Variants in CDH7 observed in about 807,000 individuals in gnomAD.
The protein encoded by CDH7 is cadherin 7.
In CDH7, 25 loss-of-function variants were observed where a neutral mutation model predicts 71.8. That is an observed-to-expected ratio of 0.35 (90% confidence interval 0.25 to 0.49). CDH7 has a LOEUF of 0.49. CDH7 is among the 20% of genes least tolerant of loss of function. The probability of loss-of-function intolerance (pLI) is 0.99; values close to 1 mark genes in which losing one functional copy is unlikely to be tolerated. For missense variants in CDH7, 862 were observed against 974.6 expected (o/e 0.88, Z 1.54); for synonymous variants, 381 against 363.8 (o/e 1.05, Z -0.54).
At chr18:65,805,367 C>A (rs1376797723) in intron 2 of CDH7, among the ~76,000 whole-genome samples, 1 of 152,172 alleles carries the variant, frequency 6.6e-6, no homozygotes, top group Non-Finnish European at 1.5e-5. Context: ...GTCCAGCATG[C>A]TTGGACCATA....
intron 11 of CDH7, among the ~76,000 whole-genome samples, chr18:65,869,020 C>G (rs1163498417): frequency 6.6e-6 from 1 of 152,088 alleles, no homozygotes; most frequent in African/African-American, 2.4e-5. Flanking sequence ...AACATCAATC[C>G]TGAGCAATTT....
chr18:65,785,410 T>C (rs1485878145), intron 2 of CDH7, among the ~76,000 whole-genome samples: 1 of 152,052 alleles, frequency 6.6e-6, no homozygotes, highest in East Asian at 1.9e-4. Context: ...CTGGTTAAAG[T>C]TGTAGCATGG....
At position 65,814,510 on chromosome 18, in the gene CDH7, G is replaced by A. The variant is rs567500655; in HGVS notation, c.531G>A (p.Ala177=). ...PVGTSVVQVT[A]TDADDPTYGN... ...GGACCTCAGTGGTACAAGTGACAGC[G>A]ACGGATGCTGATGATCCTACATATG... is the stretch of plus-strand genomic sequence containing the variant. Residue 177 remains alanine, a synonymous_variant, in exon 4 of 12, where the codon GCG becomes GCA. Transcript: ENST00000397968. 23 of 1,613,868 alleles carry A rather than the reference G, an allele frequency of 1.4e-5. No homozygotes were observed. Among genetic ancestry groups the A allele is most frequent in the African/African-American group, 2.7e-5 (2 of 74,988 alleles).
chr18:65,781,818 C>CT (rs1568181488), intron 2 of CDH7, among the ~76,000 whole-genome samples: 8 of 85,404 alleles, frequency 9.4e-5, no homozygotes, highest in African/African-American at 4.9e-4. Flanking sequence ...TTCCTTCCTT[C>CT]CTTCTTTCTT....
intron 11 of CDH7, 29 bp from the exon 12 acceptor site, chr18:65,880,372 A>T: frequency 6.6e-7 from 1 of 1,516,268 alleles, no homozygotes; most frequent in Non-Finnish European, 8.8e-7. Flanking sequence ...AGTTTACTGA[A>T]ACTTTCTCTT....
intron 2 of CDH7, among the ~76,000 whole-genome samples, chr18:65,789,533 T>C (rs1053900040): frequency 3.3e-5 from 5 of 152,090 alleles, no homozygotes; most frequent in African/African-American, 1.2e-4. Context: ...ATTTGCATTT[T>C]AGAAACATCA....
At chr18:65,806,847 T>C (rs577286713) in intron 2 of CDH7, among the ~76,000 whole-genome samples, 28 of 152,350 alleles carry the variant, frequency 1.8e-4, no homozygotes. Flanking sequence ...ATTAGTATAA[T>C]GCACAAAGTC....
chr18:65,886,114 T>G lies in CDH7; in HGVS notation c.*5220T>G, dbSNP rs1914369025. The G allele has an allele frequency of 6.6e-6, 1 of 152,182 alleles. No homozygotes were observed. The highest frequency in any genetic ancestry group is 1.5e-5 in the Non-Finnish European group (1 of 68,028). The allele number at this position is 152,182 out of a possible 1,614,324, so 9.4% of individuals were successfully genotyped here. On this transcript the variant is annotated 3_prime_UTR_variant, in exon 12 of 12. Transcript: ENST00000397968. ...GCTGTGCCCTAGATGCCATTTTCATTCTCTGAACTTTTATAGCTTCATGAT... is the reference window on the plus strand; with the variant it reads ...GCTGTGCCCTAGATGCCATTTTCATGCTCTGAACTTTTATAGCTTCATGAT...
chr18:65,768,297 G>A (rs972286052), intron 2 of CDH7, among the ~76,000 whole-genome samples: 6 of 151,506 alleles, frequency 4.0e-5, no homozygotes, highest in East Asian at 3.9e-4. Flanking sequence ...ACGTAGTGAC[G>A]CAATCTCAGC....
At position 65,782,028 on chromosome 18, in the gene CDH7, C is replaced by CCCTTCCTT. The variant is rs200389546; in HGVS notation, c.210+19005_210+19012dup. Reference sequence around the variant, plus strand: ...TTTCTCTCTTTCTCTCTCTCTTTCTCCCTTCCTTCCTTCCTTCCTTCCTTC... The same window carrying CCCTTCCTT: ...TTTCTCTCTTTCTCTCTCTCTTTCTCCCTTCCTTCCTTCCTTCCTTCCTTCCTTCCTTC... On this transcript the variant is annotated intron_variant, in intron 2 of 11. Transcript: ENST00000397968. 6.5e-4 allele frequency among the ~76,000 whole-genome samples: 22 copies of CCCTTCCTT among 33,592 alleles called. 2 individuals carry two copies. The highest frequency in any genetic ancestry group is 1.7e-3 in the African/African-American group (7 of 4,068). 22.0% of individuals were successfully genotyped at this position (33,592 alleles called of 152,430 possible). A position where few individuals can be genotyped will look rare whatever the true frequency, so the allele number is the denominator to read the frequency against.
At chr18:65,840,714 C>T (rs150332717) in intron 6 of CDH7, among the ~76,000 whole-genome samples, 1 of 152,116 alleles carries the variant, frequency 6.6e-6, no homozygotes, top group East Asian at 1.9e-4. Flanking sequence ...GTGAGACCTC[C>T]CCAGCCACGT....
chr18:65,833,863 T>G (rs537599124), intron 6 of CDH7, among the ~76,000 whole-genome samples: 1 of 152,326 alleles, frequency 6.6e-6, no homozygotes, highest in East Asian at 1.9e-4. Context: ...TCAGCTTTTG[T>G]TGATTTTGTT....
In CDH7 at chr18:65,782,180, T is replaced by TTCTTTCTTTCTTTCTC. The variant is rs1568182822; in HGVS notation, c.210+19136_210+19137insTCTTTCTCTCTTTCTT. 4.0e-4 allele frequency among the ~76,000 whole-genome samples: 55 copies of TTCTTTCTTTCTTTCTC among 138,660 alleles called. 5 individuals are homozygous for TTCTTTCTTTCTTTCTC. The highest frequency in any genetic ancestry group is 1.5e-3 in the African/African-American group (51 of 32,954). 91.0% of individuals were successfully genotyped at this position (138,660 alleles called of 152,430 possible). On this transcript the variant is annotated intron_variant, in intron 2 of 11. Coordinates refer to ENST00000397968, the MANE Select transcript of CDH7 (RefSeq NM_004361.5). ...TTTCTTTCTTCCTTTCTTTCTTTCTTTCTTTCTTGACAGAGTCTCACTCCG... is the reference window on the plus strand; with the variant it reads ...TTTCTTTCTTCCTTTCTTTCTTTCTTTCTTTCTTTCTTTCTCTCTTTCTTGACAGAGTCTCACTCCG...
Position 65,880,769 on chromosome 18 carries a change from CTCAGCTCTTTAGATTCCA to C in CDH7, c.2241_2258del (p.Leu748_Ser753del). 3 of 1,614,168 alleles carry C rather than the reference CTCAGCTCTTTAGATTCCA, an allele frequency of 1.9e-6. No homozygotes were observed. The highest frequency in any genetic ancestry group is 2.5e-6 in the Non-Finnish European group (3 of 1,180,028). On this transcript the variant is annotated inframe_deletion, in exon 12 of 12. Coordinates refer to ENST00000397968, the MANE Select transcript of CDH7 (RefSeq NM_004361.5). ...AGGAAATGGCTCAGTTGCTGAATCA[CTCAGCTCTTTAGATTCCA>C]TCAGCTCAAACTCTGATCAGAACTA...
rs2143787730 is a variant in CDH7, at chr18:65,762,733, C to G, written c.-110C>G. The G allele has an allele frequency of 1.3e-6, 1 of 787,360 alleles. No individual in the cohort carries two copies. Among genetic ancestry groups the G allele is most frequent in the East Asian group, 2.7e-5 (1 of 37,506 alleles). The allele number at this position is 787,360 out of a possible 1,614,324, so 48.8% of individuals were successfully genotyped here. Reference sequence around the variant, plus strand: ...CACTCTACAGATTATTATCTCTGGACTCCCAGCTGACACCCTGCCGGAGGC... The same window carrying G: ...CACTCTACAGATTATTATCTCTGGAGTCCCAGCTGACACCCTGCCGGAGGC... On this transcript the variant is annotated 5_prime_UTR_variant, in exon 2 of 12. Transcript: ENST00000397968.
chr18:65,764,782 T>A lies in CDH7; in HGVS notation c.210+1730T>A, dbSNP rs182143674. Among the ~76,000 whole-genome samples the A allele has an allele frequency of 4.1e-3, 625 of 152,174 alleles. 2 individuals are homozygous for A. The highest frequency in any genetic ancestry group is 6.1e-3 in the Non-Finnish European group (413 of 67,916). ...TAATTTGGTATTAAATAAAGTTGCT[T>A]GGGTGAAGTTGACATTTTAAAAATC... is the stretch of plus-strand genomic sequence containing the variant. On this transcript the variant is annotated intron_variant, in intron 2 of 11. Transcript: ENST00000397968.
chr18:65,851,052 C>G lies in CDH7; in HGVS notation c.1236-6764C>G, dbSNP rs1372658882. On this transcript the variant is annotated intron_variant, in intron 7 of 11. Coordinates refer to ENST00000397968, the MANE Select transcript of CDH7 (RefSeq NM_004361.5). ...GTCCTGAACTCAAGCAATCCACCCA[C>G]CTTGGCCTCCCAAAATGCTGGGATT... is the stretch of plus-strand genomic sequence containing the variant. Among the ~76,000 whole-genome samples, 4 of 152,010 alleles carry G rather than the reference C, an allele frequency of 2.6e-5. No homozygotes were observed. In the East Asian group the frequency reaches 7.9e-4, roughly 30 times the overall value.
At chr18:65,785,923 A>G (rs1910496320) in intron 2 of CDH7, among the ~76,000 whole-genome samples, 1 of 152,226 alleles carries the variant, frequency 6.6e-6, no homozygotes, top group Non-Finnish European at 1.5e-5. Context: ...ATATTATACT[A>G]GGATACTGGA....
intron 6 of CDH7, among the ~76,000 whole-genome samples, chr18:65,831,947 G>A (rs977637129): frequency 3.3e-5 from 5 of 151,910 alleles, no homozygotes; most frequent in African/African-American, 9.7e-5. Flanking sequence ...TCCCTTCTCC[G>A]CATAAGAAAA....
Sources: gnomAD v4.1 joint callset for allele counts (sites outside exome capture counted in the v4.1 genomes callset) on GRCh38, gnomAD v4.1.1 for gene constraint, MANE v1.5 for transcripts, NCBI Gene and HGNC (gene_info 2026-07-23, HGNC 2026-07-21) for gene names.